The following CDH13 variants were observed in gnomAD, a reference collection of about 807,000 sequenced individuals.
CDH13 encodes the protein cadherin-13.
In CDH13, 24 loss-of-function variants were observed where a neutral mutation model predicts 63.8. The ratio of observed to expected loss-of-function variants is 0.38; its 90% CI spans 0.27 to 0.53. The LOEUF is 0.53. Among genes scored for constraint, CDH13 ranks in the 20% least tolerant of loss-of-function variants. CDH13 has a pLI of 0.85. For missense variants in CDH13, 1,049 were observed against 903.1 expected (o/e 1.16, Z -2.07); for synonymous variants, 503 against 355.3 (o/e 1.42, Z -4.67).
At position 83,443,705 on chromosome 16, in the gene CDH13, GAAAAAAAAAAAAAAAAAAAAA is replaced by G. The variant is rs1167862979; in HGVS notation, c.782-42761_782-42741del. Reference sequence around the variant, plus strand: ...GGGCAACAGAGTGCGAAGTCCCTACGAAAAAAAAAAAAAAAAAAAAAAAAAAAAAAATATATATATATATAT... The same window carrying G: ...GGGCAACAGAGTGCGAAGTCCCTACGAAAAAAAAAATATATATATATATAT... On this transcript the variant is annotated intron_variant, in intron 6 of 13. Transcript: ENST00000567109. Among the ~76,000 whole-genome samples the G allele has an allele frequency of 1.1e-3, 122 of 107,116 alleles. 2 individuals carry two copies. Among genetic ancestry groups the G allele is most frequent in the East Asian group, 7.8e-3 (32 of 4,114 alleles). The allele number at this position is 107,116 out of a possible 152,430, so 70.3% of individuals were successfully genotyped here.
intron 3 of CDH13, among the ~76,000 whole-genome samples, chr16:83,095,270 C>T (rs2034137110): frequency 6.6e-6 from 1 of 152,200 alleles, no homozygotes; most frequent in South Asian, 2.1e-4. Context: ...AAAACTTTCA[C>T]CTCAATAATT....
chr16:83,201,419 C>G (rs1032435690), intron 4 of CDH13, among the ~76,000 whole-genome samples: 1 of 149,636 alleles, frequency 6.7e-6, no homozygotes. Flanking sequence ...ATAAGGTGGC[C>G]AGGGAAGTCC....
chr16:83,372,749 T>TAAAA (rs35480546), intron 6 of CDH13, among the ~76,000 whole-genome samples: 1 of 95,574 alleles, frequency 1.0e-5, no homozygotes, highest in African/African-American at 4.2e-5. Context: ...AGACTCGGTC[T>TAAAA]AAAAAAAAAA....
intron 1 of CDH13, among the ~76,000 whole-genome samples, chr16:82,800,336 T>G (rs2036790285): frequency 6.6e-6 from 1 of 152,146 alleles, no homozygotes; most frequent in Non-Finnish European, 1.5e-5. Flanking sequence ...TTCAATGGGT[T>G]TCATAGCCAG....
rs118160242 is a variant in CDH13 at position 83,733,307 on chromosome 16, G to A, written c.1539-14801G>A. Among the ~76,000 whole-genome samples, 502 of 152,272 alleles carry A rather than the reference G, an allele frequency of 3.3e-3. 3 individuals carry two copies. Among genetic ancestry groups the A allele is most frequent in the African/African-American group, 0.011 (476 of 41,558 alleles). On this transcript the variant is annotated intron_variant, in intron 10 of 13. Coordinates refer to ENST00000567109, the MANE Select transcript of CDH13 (RefSeq NM_001257.5). ...TGATCCGTGAGCGCACACTGGACTC[G>A]TGCTCCTGGGTGAGCTCTCTCCTTG...
chr16:83,014,784 ATATATTTG>A (rs1914562773), intron 2 of CDH13, among the ~76,000 whole-genome samples: 1 of 93,624 alleles, frequency 1.1e-5, no homozygotes, highest in African/African-American at 3.7e-5. Flanking sequence ...ATGTATATAT[ATATATTTG>A]TATATATATA....
At chr16:83,056,007 A>G (rs1322947756) in intron 3 of CDH13, among the ~76,000 whole-genome samples, 1 of 152,198 alleles carries the variant, frequency 6.6e-6, no homozygotes, top group Non-Finnish European at 1.5e-5. Flanking sequence ...CAAAAATATA[A>G]CAAAAGGGCA....
chr16:83,768,642 T>G (rs1004465043), intron 11 of CDH13, among the ~76,000 whole-genome samples: 3 of 152,128 alleles, frequency 2.0e-5, no homozygotes, highest in Non-Finnish European at 4.4e-5. Context: ...TGGTTGCCCA[T>G]GTTTATAGTT....
chr16:83,441,881 C>A (rs1205199095), intron 6 of CDH13, among the ~76,000 whole-genome samples: 1 of 152,076 alleles, frequency 6.6e-6, no homozygotes, highest in Non-Finnish European at 1.5e-5. Flanking sequence ...AGGCTTTGTT[C>A]AGGATATTTT....
At chr16:83,607,900 C>A (rs1200588565) in intron 8 of CDH13, among the ~76,000 whole-genome samples, 1 of 151,948 alleles carries the variant, frequency 6.6e-6, no homozygotes, top group Non-Finnish European at 1.5e-5. Flanking sequence ...TCATTCTTGT[C>A]TCTTAGGTTA....
At chr16:83,102,444 G>A (rs535823816) in intron 3 of CDH13, among the ~76,000 whole-genome samples, 5 of 152,208 alleles carry the variant, frequency 3.3e-5, no homozygotes, top group Non-Finnish European at 5.9e-5. Flanking sequence ...CAGGATGCCA[G>A]TGTGCCTGGA....
At chr16:83,495,247 A>G (rs4523913) in intron 7 of CDH13, among the ~76,000 whole-genome samples, 149,188 of 152,286 alleles carry the variant, frequency 0.98, 73,155 homozygotes, top group East Asian at 1. Context: ...ATACTTGTAA[A>G]ATGTACAATG....
intron 7 of CDH13, among the ~76,000 whole-genome samples, chr16:83,533,711 C>T (rs2075131075): frequency 6.7e-6 from 1 of 149,950 alleles, no homozygotes; most frequent in Admixed American, 6.7e-5. Context: ...ACCTCCACCT[C>T]CTGGGTTCAG....
intron 3 of CDH13, among the ~76,000 whole-genome samples, chr16:83,045,633 T>TAAAA (rs1917708451): frequency 1.2e-5 from 1 of 84,500 alleles, no homozygotes; most frequent in Non-Finnish European, 2.2e-5. Flanking sequence ...CAAGATTCCT[T>TAAAA]TAAAAAAAAA....
At chr16:82,749,429 C>T (rs2034319271) in intron 1 of CDH13, among the ~76,000 whole-genome samples, 1 of 152,134 alleles carries the variant, frequency 6.6e-6, no homozygotes, top group Non-Finnish European at 1.5e-5. Flanking sequence ...TTTATCGTGA[C>T]AGGAGTGGGG....
At chr16:83,009,799 A>G (rs1913933935) in intron 2 of CDH13, among the ~76,000 whole-genome samples, 1 of 152,196 alleles carries the variant, frequency 6.6e-6, no homozygotes, top group Non-Finnish European at 1.5e-5. Flanking sequence ...TTGAGCATGA[A>G]CAAATACAGA....
At chr16:82,666,884 C>A (rs573086032) in intron 1 of CDH13, among the ~76,000 whole-genome samples, 1 of 152,286 alleles carries the variant, frequency 6.6e-6, no homozygotes, top group South Asian at 2.1e-4. Flanking sequence ...ATCAGAACCA[C>A]CTTGTCAAGA....
At chr16:82,829,246 C>G (rs1435437589) in intron 1 of CDH13, 1 of 152,132 alleles carries the variant, frequency 6.6e-6, no homozygotes, top group Non-Finnish European at 1.5e-5. Flanking sequence ...TCTTTTTATC[C>G]CCTCTCCTTC....
intron 6 of CDH13, among the ~76,000 whole-genome samples, chr16:83,348,360 G>A (rs2090882901): frequency 6.6e-6 from 1 of 152,172 alleles, no homozygotes; most frequent in Admixed American, 6.6e-5. Flanking sequence ...GGATGAAATA[G>A]CCAGGCCCAT....
Sources: gnomAD v4.1 joint callset for allele counts (sites outside exome capture counted in the v4.1 genomes callset) on GRCh38, gnomAD v4.1.1 for gene constraint, MANE v1.5 for transcripts, NCBI Gene and HGNC (gene_info 2026-07-23, HGNC 2026-07-21) for gene names.